The following ZC3H12B variants were observed in gnomAD, a reference collection of about 807,000 sequenced individuals.
ZC3H12B encodes zinc finger CCCH-type containing 12B.
In ZC3H12B, 7 loss-of-function variants were observed where a neutral mutation model predicts 43.9. The ratio of observed to expected loss-of-function variants is 0.16; its 90% CI spans 0.09 to 0.30. The LOEUF (loss-of-function observed/expected upper bound fraction) is 0.30, where lower values mean the gene tolerates loss of function less well. ZC3H12B is among the 10% of genes least tolerant of loss of function. The probability of loss-of-function intolerance (pLI) is 1.00; values close to 1 mark genes in which losing one functional copy is unlikely to be tolerated. For synonymous variants in ZC3H12B, 222 were observed against 241.7 expected (o/e 0.92, Z 0.76); for missense variants, 475 against 670.2 (o/e 0.71, Z 3.22).
At chrX:65,502,974 T>C (rs1192378077) in exon 5 of ZC3H12B, 2 of 1,211,410 alleles carry the variant, frequency 1.7e-6, no homozygotes, top group Non-Finnish European at 2.2e-6. Context: ...TATGAGCCAG[T>C]CATGGTACGG....
the ZC3H12B span, among the ~76,000 whole-genome samples, chrX:65,128,565 A>G: frequency 1.8e-5 from 2 of 111,809 alleles, no homozygotes; most frequent in Admixed American, 9.5e-5. Flanking sequence ...AATATTGATT[A>G]ATTCCTGTTG....
the ZC3H12B span, among the ~76,000 whole-genome samples, chrX:65,299,745 G>A: frequency 6.2e-5 from 7 of 112,300 alleles, no homozygotes; most frequent in African/African-American, 1.9e-4. Context: ...AACTACTTCG[G>A]GAAAAGGAAA....
the ZC3H12B span, among the ~76,000 whole-genome samples, chrX:65,153,341 A>G: frequency 2.7e-5 from 3 of 112,124 alleles, no homozygotes; most frequent in East Asian, 8.4e-4. Context: ...TCATCTGACA[A>G]AGGGCTAATA....
At chrX:65,244,727 C>CAAAAAAAAAAAAAAAAAAAAA in the ZC3H12B span, among the ~76,000 whole-genome samples, 2 of 20,389 alleles carry the variant, frequency 9.8e-5, no homozygotes, top group Non-Finnish European at 1.7e-4. Context: ...AATACCTTGC[C>CAAAAAAAAAAAAAAAAAAAAA]AAAAAAAAAA....
chrX:65,386,039 C>T (rs190228922), intron 2 of ZC3H12B, among the ~76,000 whole-genome samples: 33 of 112,108 alleles, frequency 2.9e-4, no homozygotes, highest in Middle Eastern at 4.7e-3. Flanking sequence ...CTGCTGAATT[C>T]GGTTTACCAG....
At chrX:65,167,010 G>A in the ZC3H12B span, among the ~76,000 whole-genome samples, 15,949 of 111,352 alleles carry the variant, frequency 0.14, 2,735 homozygotes, top group African/African-American at 0.49. Flanking sequence ...CACTCTGGTC[G>A]TAGTTTATTT....
chrX:65,098,055 C>A, the ZC3H12B span, among the ~76,000 whole-genome samples: 2 of 111,245 alleles, frequency 1.8e-5, no homozygotes, highest in African/African-American at 6.5e-5. Context: ...TATCAGGATC[C>A]TTTAAAATTA....
chrX:65,121,222 A>G, the ZC3H12B span, among the ~76,000 whole-genome samples: 9,177 of 111,297 alleles, frequency 0.082, 1,030 homozygotes, highest in African/African-American at 0.29. Flanking sequence ...TTCAGAAGGA[A>G]TGGTACCAGC....
chrX:65,334,278 G>C, the ZC3H12B span, among the ~76,000 whole-genome samples: 3 of 111,576 alleles, frequency 2.7e-5, no homozygotes, highest in Non-Finnish European at 5.7e-5. Context: ...TTTAACTTTA[G>C]CTAATATGTT....
the ZC3H12B span, among the ~76,000 whole-genome samples, chrX:65,169,827 G>A: frequency 5.0e-4 from 56 of 111,831 alleles, no homozygotes; most frequent in Admixed American, 1.1e-3. Context: ...TTGGTTTAAA[G>A]TCTGTTTCAT....
intron 3 of ZC3H12B, among the ~76,000 whole-genome samples, chrX:65,446,888 C>T (rs138997641): frequency 0.011 from 1,257 of 112,000 alleles, 4 homozygotes; most frequent in Middle Eastern, 0.023. Context: ...TTTGGTGTTG[C>T]TGTGTTGTGG....
the ZC3H12B span, among the ~76,000 whole-genome samples, chrX:65,226,887 C>T: frequency 1.8e-5 from 2 of 111,105 alleles, no homozygotes. Flanking sequence ...TAAAGCAAGT[C>T]CTCAGTGACC....
At chrX:65,265,824 G>A in the ZC3H12B span, among the ~76,000 whole-genome samples, 1 of 111,813 alleles carries the variant, frequency 8.9e-6, no homozygotes, top group Non-Finnish European at 1.9e-5. Context: ...AGCAGGGAGA[G>A]GGGAATAAAT....
At chrX:65,317,843 C>A in the ZC3H12B span, among the ~76,000 whole-genome samples, 7 of 99,724 alleles carry the variant, frequency 7.0e-5, no homozygotes, top group South Asian at 4.5e-4. Flanking sequence ...TATATATACA[C>A]GCACACACTA....
chrX:65,153,351 A>T, the ZC3H12B span, among the ~76,000 whole-genome samples: 1 of 112,258 alleles, frequency 8.9e-6, no homozygotes, highest in Non-Finnish European at 1.9e-5. Flanking sequence ...AAGGGCTAAT[A>T]TCCAGAATCT....
chrX:65,165,266 T>C, the ZC3H12B span, among the ~76,000 whole-genome samples: 1 of 112,076 alleles, frequency 8.9e-6, no homozygotes, highest in African/African-American at 3.2e-5. Context: ...TTTTTAAATT[T>C]ATTTTATTTA....
intron 3 of ZC3H12B, among the ~76,000 whole-genome samples, chrX:65,448,024 A>T (rs1339127885): frequency 9.0e-6 from 1 of 110,909 alleles, no homozygotes; most frequent in Non-Finnish European, 1.9e-5. Context: ...CGAGGTCAGG[A>T]GATCGAGACC....
chrX:65,113,101 G>C, the ZC3H12B span, among the ~76,000 whole-genome samples: 2 of 111,200 alleles, frequency 1.8e-5, no homozygotes, highest in African/African-American at 3.3e-5. Flanking sequence ...GGGGTTAAAG[G>C]CTTCCGTGGA....
At chrX:65,436,805 A>G (rs1247385418) in intron 3 of ZC3H12B, among the ~76,000 whole-genome samples, 2 of 111,689 alleles carry the variant, frequency 1.8e-5, no homozygotes, top group Non-Finnish European at 3.8e-5. Flanking sequence ...AGTATTCATC[A>G]TATCAAGCAT....
Sources: gnomAD v4.1 joint callset for allele counts (sites outside exome capture counted in the v4.1 genomes callset) on GRCh38, gnomAD v4.1.1 for gene constraint, MANE v1.5 for transcripts, NCBI Gene and HGNC (gene_info 2026-07-23, HGNC 2026-07-21) for gene names.